Variants in DPP8 observed in about 807,000 individuals in gnomAD.
The protein encoded by DPP8 is DPP VIII.
Under a neutral mutation model 107.5 loss-of-function variants are expected in DPP8, and 31 were observed. That is an observed-to-expected ratio of 0.29 (90% CI 0.22 to 0.39). The LOEUF (loss-of-function observed/expected upper bound fraction) is 0.39. DPP8 is among the 10% of genes least tolerant of loss of function. DPP8 has a pLI of 1.00. For synonymous variants in DPP8, 381 were observed against 356.6 expected, an observed-to-expected ratio of 1.07 and a Z score of -0.77; for missense variants, 842 against 1,076.1, an observed-to-expected ratio of 0.78 and a Z score of 3.04.
At chr15:65,497,529 C>T (rs576697577) in intron 5 of DPP8, among the ~76,000 whole-genome samples, 1 of 152,320 alleles carries the variant, frequency 6.6e-6, no homozygotes, top group African/African-American at 2.4e-5. Context: ...GCTAGGATTA[C>T]AGGCATGAGC....
chr15:65,481,049 A>T (rs570899882), intron 9 of DPP8, among the ~76,000 whole-genome samples: 14 of 151,514 alleles, frequency 9.2e-5, no homozygotes, highest in Middle Eastern at 3.4e-3. Flanking sequence ...GCACCACTGC[A>T]CTCCAGCCTA....
At chr15:65,472,283 T>C (rs981382780) in intron 12 of DPP8, among the ~76,000 whole-genome samples, 5 of 152,068 alleles carry the variant, frequency 3.3e-5, no homozygotes, top group African/African-American at 1.2e-4. Flanking sequence ...ATGCAATTTA[T>C]TTATTTATTT....
rs1397899271 is a variant in DPP8, at chr15:65,451,983, C to T, written c.2391G>A (p.Met797Ile). The change falls in exon 18 of 20, where the codon ATG becomes ATA. Residue 797 changes from methionine to isoleucine, a missense_variant. Transcript: ENST00000300141. Reference protein sequence around the residue: ...EQGYYLGSVAMQAEKFPSEPN... With the variant: ...EQGYYLGSVAIQAEKFPSEPN... Reference sequence around the variant, plus strand: ...ACTCAGAGGGGAACTTTTCTGCTTGCATGGCCACAGATCCTAAGTAATAGC... The same window carrying T: ...ACTCAGAGGGGAACTTTTCTGCTTGTATGGCCACAGATCCTAAGTAATAGC... The T allele has an allele frequency of 2.5e-6, 4 of 1,600,984 alleles. No homozygotes were observed. Among genetic ancestry groups the T allele is most frequent in the Non-Finnish European group, 3.4e-6 (4 of 1,175,854 alleles).
chr15:65,480,493 CTG>C, intron 9 of DPP8, 94 bp from the exon 10 acceptor site: 1 of 785,342 alleles, frequency 1.3e-6, no homozygotes, highest in Non-Finnish European at 2.0e-6. Flanking sequence ...TCAATTATAT[CTG>C]TAATCACCAT....
chr15:65,475,452 G>A lies in DPP8; in HGVS notation c.1457-1164C>T, dbSNP rs114908136. 342 of 1,568,090 alleles carry A rather than the reference G, an allele frequency of 2.2e-4. 1 individual carries two copies. In the African/African-American group the frequency reaches 4.2e-3, roughly 19 times the overall value. On this transcript the variant is annotated intron_variant, in intron 11 of 19. Coordinates refer to ENST00000300141, the MANE Select transcript of DPP8 (RefSeq NM_130434.5). ...TTATTATGGCATTCAGGGAGCCAGG[G>A]TCCAGAGCTGCAGGGCTGGGGTCCC...
intron 19 of DPP8, among the ~76,000 whole-genome samples, chr15:65,448,821 T>C (rs2063695011): frequency 7.6e-6 from 1 of 132,242 alleles, no homozygotes; most frequent in East Asian, 2.0e-4. Flanking sequence ...CATATATATC[T>C]AAAGTATACA....
intron 6 of DPP8, among the ~76,000 whole-genome samples, chr15:65,489,431 T>TTTTTA (rs10670137): frequency 2.0e-5 from 3 of 148,120 alleles, no homozygotes; most frequent in Admixed American, 6.7e-5. Context: ...TTTTTTTTTT[T>TTTTTA]GAGACAGAGT....
rs1393387245 is a variant in DPP8, at chr15:65,443,416, A to T, written c.*3468T>A. The T allele has an allele frequency of 2.0e-5, 3 of 152,122 alleles. No homozygotes were observed. The highest frequency in any genetic ancestry group is 4.4e-5 in the Non-Finnish European group (3 of 68,030). 9.4% of individuals were successfully genotyped at this position (152,122 alleles called of 1,614,324 possible). On this transcript the variant is annotated 3_prime_UTR_variant, in exon 20 of 20. Coordinates refer to ENST00000300141, the MANE Select transcript of DPP8 (RefSeq NM_130434.5). ...GCATGATTTAATAATGAGAAATCTT[A>T]TAGGAATCATTCCACCTAAAGAGAA...
chr15:65,485,652 T>C (rs1362558161), intron 7 of DPP8, among the ~76,000 whole-genome samples: 2 of 151,608 alleles, frequency 1.3e-5, no homozygotes, highest in South Asian at 2.1e-4. Flanking sequence ...CTTTACACTT[T>C]AGTTAAGTCA....
chr15:65,492,402 C>G (rs989977188), intron 5 of DPP8, among the ~76,000 whole-genome samples: 7 of 151,968 alleles, frequency 4.6e-5, no homozygotes, highest in African/African-American at 1.7e-4. Context: ...TAAATACCTA[C>G]GAGTAATATG....
At chr15:65,494,070 C>A (rs922515656) in intron 5 of DPP8, among the ~76,000 whole-genome samples, 1 of 147,732 alleles carries the variant, frequency 6.8e-6, no homozygotes, top group Admixed American at 6.7e-5. Context: ...GATGTGGAAA[C>A]TAAGAGATGG....
At chr15:65,514,496 TTTG>T (rs1378715401) in intron 1 of DPP8, among the ~76,000 whole-genome samples, 1 of 152,038 alleles carries the variant, frequency 6.6e-6, no homozygotes, top group Non-Finnish European at 1.5e-5. Flanking sequence ...CGGAACCAGT[TTTG>T]TTGTTGTTGC....
At chr15:65,468,842 T>C (rs1284440495) in intron 12 of DPP8, among the ~76,000 whole-genome samples, 2 of 152,174 alleles carry the variant, frequency 1.3e-5, no homozygotes, top group Non-Finnish European at 2.9e-5. Context: ...CCATCTACAA[T>C]GGTTTTCTTC....
chr15:65,455,142 A>AT (rs1423632649), intron 16 of DPP8, among the ~76,000 whole-genome samples: 2 of 151,924 alleles, frequency 1.3e-5, no homozygotes, highest in Non-Finnish European at 2.9e-5. Context: ...CTTTTTATCT[A>AT]TTTTTTTGGA....
intron 10 of DPP8, 142 bp downstream of exon 10, chr15:65,480,080 C>A (rs1485797618): frequency 1.2e-5 from 8 of 652,104 alleles, no homozygotes; most frequent in Non-Finnish European, 1.8e-5. Flanking sequence ...AACCATCACT[C>A]CAATTGGAAA....
chr15:65,492,530 T>C (rs908985228), intron 5 of DPP8, among the ~76,000 whole-genome samples: 10 of 152,144 alleles, frequency 6.6e-5, no homozygotes, highest in African/African-American at 2.4e-4. Flanking sequence ...TCTCCAACAT[T>C]TGGTGTTCTC....
chr15:65,478,616 G>GA (rs2066619650), intron 11 of DPP8, among the ~76,000 whole-genome samples: 1 of 152,054 alleles, frequency 6.6e-6, no homozygotes, highest in East Asian at 1.9e-4. Flanking sequence ...TGCAGTCAAG[G>GA]CAAAAGTAAA....
chr15:65,482,814 G>A (rs2067049864), intron 8 of DPP8, among the ~76,000 whole-genome samples: 1 of 151,968 alleles, frequency 6.6e-6, no homozygotes, highest in Middle Eastern at 3.2e-3. Flanking sequence ...AACACAATAG[G>A]GGCCGGGTGT....
intron 2 of DPP8, among the ~76,000 whole-genome samples, chr15:65,507,976 G>T (rs974969082): frequency 3.9e-5 from 6 of 152,262 alleles, no homozygotes; most frequent in Middle Eastern, 3.4e-3. Flanking sequence ...GGTGGCTCAT[G>T]CTTGTAGTCC....
Sources: gnomAD v4.1 joint callset for allele counts (sites outside exome capture counted in the v4.1 genomes callset) on GRCh38, gnomAD v4.1.1 for gene constraint, MANE v1.5 for transcripts, NCBI Gene and HGNC (gene_info 2026-07-23, HGNC 2026-07-21) for gene names.